CDC42SE2: variants seen among roughly 807,000 people sequenced by gnomAD.
CDC42SE2 encodes CDC42 small effector protein 2.
In CDC42SE2, 3 loss-of-function variants were observed where a neutral mutation model predicts 11.5. The ratio of observed to expected loss-of-function variants is 0.26; its 90% CI spans 0.12 to 0.67. The LOEUF (loss-of-function observed/expected upper bound fraction) is 0.67. Among genes scored for constraint, CDC42SE2 ranks in the 30% least tolerant of loss-of-function variants. The probability of loss-of-function intolerance (pLI) is 0.80; values close to 1 mark genes in which losing one functional copy is unlikely to be tolerated. For missense variants in CDC42SE2, 82 were observed against 106.8 expected (o/e 0.77, Z 1.02); for synonymous variants, 33 against 34.8 (o/e 0.95, Z 0.18).
chr5:131,366,301 A>C (rs1749854117), intron 3 of CDC42SE2, among the ~76,000 whole-genome samples: 1 of 152,208 alleles, frequency 6.6e-6, no homozygotes, highest in African/African-American at 2.4e-5. Flanking sequence ...AAAACTGTGG[A>C]ACAGACAGGT....
upstream of CDC42SE2, among the ~76,000 whole-genome samples, chr5:131,260,694 G>A (rs1463988178): frequency 1.3e-5 from 2 of 151,222 alleles, no homozygotes; most frequent in Non-Finnish European, 2.9e-5. Flanking sequence ...AGTACTTTGG[G>A]AGGCCGAGGC....
intron 1 of CDC42SE2, among the ~76,000 whole-genome samples, chr5:131,268,252 A>G (rs1186887663): frequency 6.6e-6 from 1 of 151,228 alleles, no homozygotes; most frequent in Non-Finnish European, 1.5e-5. Flanking sequence ...TAGTAAAGAC[A>G]GGGTTTCTCC....
chr5:131,250,890 T>C (rs1007548896), intron 1 of CDC42SE2, among the ~76,000 whole-genome samples: 11 of 152,016 alleles, frequency 7.2e-5, no homozygotes, highest in African/African-American at 2.7e-4. Flanking sequence ...AAAAATACTA[T>C]GGTAATATTG....
the CDC42SE2 span, among the ~76,000 whole-genome samples, chr5:131,230,974 T>C: frequency 1.3e-5 from 2 of 152,368 alleles, no homozygotes; most frequent in Admixed American, 1.3e-4. Flanking sequence ...CACACATGTA[T>C]GTATATGTTT....
At chr5:131,386,970 G>C (rs1291600) in intron 4 of CDC42SE2, among the ~76,000 whole-genome samples, 152,347 of 152,348 alleles carry the variant, frequency 1, 76,173 homozygotes, top group Middle Eastern at 1. Context: ...TTTGAACCTT[G>C]CCGGAAAGGA....
At chr5:131,248,796 A>G (rs1054657194) in intron 1 of CDC42SE2, among the ~76,000 whole-genome samples, 1 of 152,184 alleles carries the variant, frequency 6.6e-6, no homozygotes, top group African/African-American at 2.4e-5. Flanking sequence ...AACGTTGTTA[A>G]GAAACACGAA....
At chr5:131,250,967 C>T (rs569763715) in intron 1 of CDC42SE2, among the ~76,000 whole-genome samples, 6 of 152,060 alleles carry the variant, frequency 3.9e-5, no homozygotes, top group Admixed American at 6.6e-5. Flanking sequence ...ATTGGAGGGA[C>T]GGACAGAGAG....
intron 1 of CDC42SE2, among the ~76,000 whole-genome samples, chr5:131,248,870 T>A (rs1327060354): frequency 1.3e-5 from 2 of 152,142 alleles, no homozygotes; most frequent in East Asian, 3.8e-4. Flanking sequence ...TTATTATGAA[T>A]GTATCAATTG....
chr5:131,328,177 A>C (rs113404410), intron 2 of CDC42SE2, among the ~76,000 whole-genome samples: 257 of 152,260 alleles, frequency 1.7e-3, no homozygotes, highest in African/African-American at 5.8e-3. Flanking sequence ...AACCATAGCA[A>C]TTCTGAATTC....
the CDC42SE2 span, among the ~76,000 whole-genome samples, chr5:131,216,827 A>G: frequency 2.0e-5 from 3 of 152,196 alleles, no homozygotes; most frequent in Non-Finnish European, 4.4e-5. Context: ...GGAAGTTTAT[A>G]CTACATTAAT....
chr5:131,242,639 C>A (rs1446242387), upstream of CDC42SE2, among the ~76,000 whole-genome samples: 8 of 152,106 alleles, frequency 5.3e-5, no homozygotes, highest in African/African-American at 1.9e-4. Context: ...ACCACCTATA[C>A]GACAGGAGCT....
intron 2 of CDC42SE2, among the ~76,000 whole-genome samples, chr5:131,344,896 T>G (rs1478644269): frequency 2.6e-5 from 4 of 152,116 alleles, no homozygotes; most frequent in Non-Finnish European, 5.9e-5. Flanking sequence ...CGATCTGGAG[T>G]GGACCTCCAG....
At chr5:131,390,272 TTTGG>T (rs1448175229) in intron 4 of CDC42SE2, among the ~76,000 whole-genome samples, 1 of 152,250 alleles carries the variant, frequency 6.6e-6, no homozygotes, top group African/African-American at 2.4e-5. Context: ...AAGATTTATC[TTTGG>T]TTGGTCCAAT....
At chr5:131,244,697 T>C (rs772749792), upstream of CDC42SE2, among the ~76,000 whole-genome samples, 1 of 151,628 alleles carries the variant, frequency 6.6e-6, no homozygotes, top group Non-Finnish European at 1.5e-5. Context: ...GGCAACAGAG[T>C]GAGACCCTAT....
intron 2 of CDC42SE2, among the ~76,000 whole-genome samples, chr5:131,337,157 C>G (rs1207174288): frequency 1.3e-5 from 2 of 152,090 alleles, no homozygotes; most frequent in Non-Finnish European, 2.9e-5. Flanking sequence ...GTGTGGATGT[C>G]CTTTCTGTTT....
At chr5:131,375,434 AT>A (rs1178745723) in intron 3 of CDC42SE2, among the ~76,000 whole-genome samples, 5 of 152,212 alleles carry the variant, frequency 3.3e-5, no homozygotes, top group African/African-American at 1.2e-4. Flanking sequence ...AACACAAAAT[AT>A]CTTTCCTTTC....
chr5:131,255,761 GA>G (rs1003697881), intron 2 of CDC42SE2, among the ~76,000 whole-genome samples: 2 of 150,662 alleles, frequency 1.3e-5, no homozygotes, highest in African/African-American at 2.4e-5. Context: ...CTCCGTCTCA[GA>G]AAAAAAAAGA....
chr5:131,303,352 A>T (rs1038795787), intron 1 of CDC42SE2, among the ~76,000 whole-genome samples: 8 of 152,214 alleles, frequency 5.3e-5, no homozygotes, highest in Non-Finnish European at 1.2e-4. Flanking sequence ...ATATTTAAGT[A>T]CTTATTTTTC....
At chr5:131,235,045 C>A in the CDC42SE2 span, among the ~76,000 whole-genome samples, 1 of 151,730 alleles carries the variant, frequency 6.6e-6, no homozygotes, top group Non-Finnish European at 1.5e-5. Flanking sequence ...CCCGCCACCA[C>A]ACCTGGCTAA....
Sources: allele counts gnomAD v4.1 joint callset (sites outside exome capture counted in the v4.1 genomes callset), GRCh38; gene constraint gnomAD v4.1.1; transcripts MANE v1.5; gene names NCBI Gene and HGNC (gene_info 2026-07-23, HGNC 2026-07-21).